The following GABRA4 variants were observed in gnomAD, a reference collection of about 807,000 sequenced individuals.
GABRA4 encodes gamma-aminobutyric acid type A receptor subunit alpha4, also known as gamma-aminobutyric acid receptor subunit alpha-4.
In GABRA4, 12 loss-of-function variants were observed where a neutral mutation model predicts 49.7. The observed-to-expected ratio is 0.24, with a 90% confidence interval of 0.15 to 0.39. The LOEUF is 0.39. Among genes scored for constraint, GABRA4 ranks in the 10% least tolerant of loss-of-function variants. GABRA4 has a pLI of 1.00. For missense variants in GABRA4, 506 were observed against 686.0 expected (o/e 0.74, Z 2.93); for synonymous variants, 288 against 240.2 (o/e 1.20, Z -1.84).
chr4:46,947,750 T>C (rs1467396382), intron 8 of GABRA4, among the ~76,000 whole-genome samples: 3 of 152,098 alleles, frequency 2.0e-5, no homozygotes, highest in African/African-American at 4.8e-5. Context: ...AACTTGGTTG[T>C]ATGTGACTTA....
intron 8 of GABRA4, among the ~76,000 whole-genome samples, chr4:46,951,480 T>C (rs7685553): frequency 0.15 from 22,061 of 151,718 alleles, 1,745 homozygotes; most frequent in South Asian, 0.25. Flanking sequence ...TATGTCCTCA[T>C]AGCTTGTTAC....
intron 8 of GABRA4, among the ~76,000 whole-genome samples, chr4:46,957,918 C>T (rs1273510243): frequency 1.3e-5 from 2 of 151,800 alleles, no homozygotes; most frequent in Admixed American, 1.3e-4. Context: ...ATTACTGGTA[C>T]ATAGAAAGCA....
chr4:46,985,242 T>C (rs923251208), intron 2 of GABRA4, among the ~76,000 whole-genome samples: 3 of 152,038 alleles, frequency 2.0e-5, no homozygotes, highest in African/African-American at 7.2e-5. Flanking sequence ...AAAATGACAT[T>C]CAAAGGAAAA....
chr4:46,937,297 A>C (rs368948185), intron 8 of GABRA4, among the ~76,000 whole-genome samples: 4 of 152,318 alleles, frequency 2.6e-5, no homozygotes, highest in African/African-American at 9.6e-5. Flanking sequence ...AGCCTCCAGA[A>C]CTGTGAGAAA....
intron 2 of GABRA4, among the ~76,000 whole-genome samples, chr4:46,988,334 T>C (rs188715310): frequency 2.0e-5 from 3 of 152,326 alleles, no homozygotes; most frequent in Admixed American, 2.0e-4. Context: ...CAGAATGATA[T>C]CTTCACAACC....
At chr4:46,977,299 A>G (rs1166256535) in intron 4 of GABRA4, 111 bp downstream of exon 4, 2 of 393,024 alleles carry the variant, frequency 5.1e-6, no homozygotes, top group Admixed American at 9.4e-5. Context: ...GGAGGAAGGG[A>G]GGGAGGAAGG....
intron 8 of GABRA4, among the ~76,000 whole-genome samples, chr4:46,951,024 C>T (rs1394825903): frequency 6.6e-6 from 1 of 151,786 alleles, no homozygotes; most frequent in Non-Finnish European, 1.5e-5. Flanking sequence ...CCTATCTGCA[C>T]TGGGAGACAG....
chr4:46,946,844 A>G (rs1272258002), intron 8 of GABRA4, among the ~76,000 whole-genome samples: 14 of 152,132 alleles, frequency 9.2e-5, no homozygotes, highest in Admixed American at 7.9e-4. Flanking sequence ...AAGCAATAAT[A>G]AAAGTGCAGC....
intron 8 of GABRA4, among the ~76,000 whole-genome samples, chr4:46,939,897 T>C (rs934376492): frequency 8.6e-5 from 13 of 152,046 alleles, no homozygotes; most frequent in Non-Finnish European, 2.9e-5. Context: ...TGCTTGACTG[T>C]CATGAAGTGC....
At chr4:46,979,266 G>A (rs1177507320) in intron 2 of GABRA4, among the ~76,000 whole-genome samples, 168 bp from the exon 3 acceptor site, 2 of 151,992 alleles carry the variant, frequency 1.3e-5, no homozygotes, top group African/African-American at 4.8e-5. Context: ...AGACCAAAGC[G>A]CAACAAGACC....
rs758347873 is a variant in GABRA4, at chr4:46,992,906, A to G, written c.127T>C (p.Leu43=). The change falls in exon 2 of 9, where the codon TTG becomes CTG. Residue 43 remains leucine (L), a synonymous_variant. Coordinates refer to ENST00000264318, the MANE Select transcript of GABRA4 (RefSeq NM_000809.4). The part of the protein sequence containing the change: ...SPGQNQKEEK[L]CTENFTRILD... The stretch of plus-strand genomic sequence containing the variant: ...ATGCGGGTGAAATTTTCTGTGCACA[A>G]TTTCTCCTCCTTTTGGTTCTGTCCT... The G allele has an allele frequency of 3.1e-6, 5 of 1,608,770 alleles. No homozygotes were observed. Among genetic ancestry groups the G allele is most frequent in the Non-Finnish European group, 4.2e-6 (5 of 1,178,264 alleles).
intron 8 of GABRA4, among the ~76,000 whole-genome samples, chr4:46,946,680 T>C (rs555866347): frequency 6.6e-6 from 1 of 152,270 alleles, no homozygotes; most frequent in Admixed American, 6.5e-5. Context: ...TGATACCTAG[T>C]ACAACGCCTG....
chr4:46,952,290 G>A lies in GABRA4; in HGVS notation c.1134+12680C>T, dbSNP rs531637506. 1.2e-3 allele frequency among the ~76,000 whole-genome samples: 175 copies of A among 152,140 alleles called. 1 individual carries two copies. Among genetic ancestry groups the A allele is most frequent in the Admixed American group, 2.0e-3 (30 of 15,260 alleles). Reference sequence around the variant, plus strand: ...ATCGTGGCAGCAAAAGACAGTTTGGGAAAGTACATGATGTATTAGTCAAGT... The same window carrying A: ...ATCGTGGCAGCAAAAGACAGTTTGGAAAAGTACATGATGTATTAGTCAAGT... On this transcript the variant is annotated intron_variant, in intron 8 of 8. Coordinates refer to ENST00000264318, the MANE Select transcript of GABRA4 (RefSeq NM_000809.4).
intron 7 of GABRA4, among the ~76,000 whole-genome samples, chr4:46,969,585 C>A (rs937830151): frequency 6.6e-5 from 10 of 151,468 alleles, no homozygotes; most frequent in African/African-American, 2.4e-4. Context: ...TAAGTCTGAA[C>A]AAAATCTATC....
At chr4:46,944,541 C>A (rs1460147490) in intron 8 of GABRA4, among the ~76,000 whole-genome samples, 1 of 152,056 alleles carries the variant, frequency 6.6e-6, no homozygotes, top group African/African-American at 2.4e-5. Context: ...TGAGAGAAAC[C>A]CAAATTAAAA....
rs188771295 is a variant in GABRA4 at position 46,943,876 on chromosome 4, T to C, written c.1135-15121A>G. 8.5e-5 allele frequency among the ~76,000 whole-genome samples: 13 copies of C among 152,222 alleles called. No individual in the cohort carries two copies. In the East Asian group the frequency reaches 2.1e-3, roughly 25 times the overall value. On this transcript the variant is annotated intron_variant, in intron 8 of 8. Coordinates refer to ENST00000264318, the MANE Select transcript of GABRA4 (RefSeq NM_000809.4). ...TTTGTTATATGCATAGATTGTGTAGTAGTCAAGTCAGGGCTTTTAGGGTAT... is the reference window on the plus strand; with the variant it reads ...TTTGTTATATGCATAGATTGTGTAGCAGTCAAGTCAGGGCTTTTAGGGTAT...
At chr4:46,961,105 G>A (rs1200243242) in intron 8 of GABRA4, among the ~76,000 whole-genome samples, 1 of 151,812 alleles carries the variant, frequency 6.6e-6, no homozygotes, top group Non-Finnish European at 1.5e-5. Flanking sequence ...AATTCATTCT[G>A]ATGATTTTCA....
chr4:46,977,939 T>C (rs758488022), intron 3 of GABRA4, among the ~76,000 whole-genome samples: 3 of 152,062 alleles, frequency 2.0e-5, no homozygotes, highest in Non-Finnish European at 4.4e-5. Context: ...GTTACAATTG[T>C]GTTTTACTTT....
chr4:46,931,665 G>A (rs1014284801), intron 8 of GABRA4, among the ~76,000 whole-genome samples: 3 of 152,058 alleles, frequency 2.0e-5, no homozygotes, highest in Admixed American at 1.3e-4. Context: ...AATAGTATGT[G>A]GCGGAAATGA....
Sources: gnomAD v4.1 joint callset for allele counts (sites outside exome capture counted in the v4.1 genomes callset) on GRCh38, gnomAD v4.1.1 for gene constraint, MANE v1.5 for transcripts, NCBI Gene and HGNC (gene_info 2026-07-23, HGNC 2026-07-21) for gene names.